Variants in SNX8 observed in about 807,000 individuals in gnomAD.
SNX8 encodes sorting nexin 8, also known as sorting nexin-8.
SNX8 carries 25 observed loss-of-function variants against 51.6 expected under a neutral mutation model. The ratio of observed to expected loss-of-function variants is 0.48; its 90% CI spans 0.35 to 0.68. The LOEUF (loss-of-function observed/expected upper bound fraction) is 0.68. SNX8 is among the 30% of genes least tolerant of loss of function. The pLI is 0.00. For synonymous variants in SNX8, 324 were observed against 277.0 expected, an observed-to-expected ratio of 1.17 and a Z score of -1.68; for missense variants, 695 against 624.0, an observed-to-expected ratio of 1.11 and a Z score of -1.21.
chr7:2,333,111 A>G (rs1358997657), intron 1 of SNX8, among the ~76,000 whole-genome samples: 3 of 150,984 alleles, frequency 2.0e-5, no homozygotes, highest in Non-Finnish European at 4.4e-5. Flanking sequence ...CGGGGGTCTC[A>G]CTATGTTGCC....
intron 5 of SNX8, among the ~76,000 whole-genome samples, chr7:2,268,533 C>T (rs1376898917): frequency 6.9e-6 from 1 of 145,910 alleles, no homozygotes; most frequent in Non-Finnish European, 1.5e-5. Context: ...CCAGCCGTGC[C>T]ATCCGGGAGG....
Position 2,263,089 on chromosome 7 carries a change from A to G in SNX8, c.915+141T>C, listed in dbSNP as rs1795375537. 7.6e-6 allele frequency: 8 copies of G among 1,049,124 alleles called. 1 individual carries two copies. The South Asian group carries it at 1.1e-4, about 15-fold the overall frequency. 65.0% of individuals were successfully genotyped at this position (1,049,124 alleles called of 1,614,324 possible). A position where few individuals can be genotyped will look rare whatever the true frequency, so the allele number is the denominator to read the frequency against. Reference sequence around the variant, plus strand: ...AGCCGAGATTGCGCCTTTGCGCTCCAGCCTGGCAACAGAGGGAGACTCCTT... The same window carrying G: ...AGCCGAGATTGCGCCTTTGCGCTCCGGCCTGGCAACAGAGGGAGACTCCTT... On this transcript the variant is annotated intron_variant, in intron 7 of 10. Coordinates refer to ENST00000222990, the MANE Select transcript of SNX8 (RefSeq NM_013321.4).
intron 1 of SNX8, among the ~76,000 whole-genome samples, chr7:2,311,398 T>A (rs1796655039): frequency 6.6e-6 from 1 of 152,222 alleles, no homozygotes; most frequent in Non-Finnish European, 1.5e-5. Context: ...TTTTCTTTTT[T>A]AAAAATTTGA....
intron 1 of SNX8, among the ~76,000 whole-genome samples, chr7:2,293,010 A>G (rs1176909350): frequency 1.3e-5 from 2 of 151,896 alleles, no homozygotes; most frequent in Non-Finnish European, 2.9e-5. Context: ...ATAGAGTAAG[A>G]CCTTATACCT....
intron 3 of SNX8, chr7:2,274,899 G>A: frequency 1.8e-6 from 1 of 551,260 alleles, no homozygotes; most frequent in Non-Finnish European, 3.2e-6. Flanking sequence ...TGAAGGCTCT[G>A]GTGGGCCAAG....
rs1795135641 is a variant in SNX8 at position 2,254,861 on chromosome 7, A to T, written c.*195T>A. 9 of 610,436 alleles carry T rather than the reference A, an allele frequency of 1.5e-5. No homozygotes were observed. In the South Asian group the frequency reaches 1.7e-4, roughly 11 times the overall value. The allele number at this position is 610,436 out of a possible 1,614,324, so 37.8% of individuals were successfully genotyped here. A position where few individuals can be genotyped will look rare whatever the true frequency, so the allele number is the denominator to read the frequency against. The stretch of plus-strand genomic sequence containing the variant: ...ACCAGGCTAGCAGGCCACAGGGCGA[A>T]GGACAGTGTGGCCCAGCTGCCCCCA... On this transcript the variant is annotated 3_prime_UTR_variant, in exon 11 of 11. Transcript: ENST00000222990.
intron 2 of SNX8, among the ~76,000 whole-genome samples, chr7:2,276,907 T>G (rs887744147): frequency 2.6e-5 from 4 of 152,218 alleles, no homozygotes. Flanking sequence ...ATCGTGCCAC[T>G]GCACTCCAGC....
At chr7:2,270,738 G>T (rs545173080) in intron 4 of SNX8, among the ~76,000 whole-genome samples, 49 of 152,304 alleles carry the variant, frequency 3.2e-4, no homozygotes, top group African/African-American at 1.1e-3. Context: ...AGGCACAGGG[G>T]GAAGGCCCCT....
intron 1 of SNX8, among the ~76,000 whole-genome samples, chr7:2,321,372 C>G (rs943274788): frequency 6.6e-6 from 1 of 152,160 alleles, no homozygotes; most frequent in Non-Finnish European, 1.5e-5. Flanking sequence ...GCAGATCCTC[C>G]CCACAGAATA....
At chr7:2,316,469 CCACT>C (rs71023393), upstream of SNX8, among the ~76,000 whole-genome samples, 1,565 of 129,734 alleles carry the variant, frequency 0.012, 26 homozygotes, top group African/African-American at 0.036. Context: ...ATTCATTCAC[CCACT>C]CACTCACTCA....
intron 5 of SNX8, among the ~76,000 whole-genome samples, chr7:2,268,615 G>A (rs1276848125): frequency 2.0e-4 from 25 of 125,718 alleles, no homozygotes; most frequent in South Asian, 5.5e-4. Flanking sequence ...TCAGCCCTCC[G>A]CCCAGCCAGC....
At chr7:2,301,197 C>G (rs952716099) in intron 1 of SNX8, among the ~76,000 whole-genome samples, 1 of 152,194 alleles carries the variant, frequency 6.6e-6, no homozygotes, top group African/African-American at 2.4e-5. Context: ...AGCTCCATGC[C>G]TACGAATGGC....
intron 1 of SNX8, among the ~76,000 whole-genome samples, chr7:2,313,980 G>C (rs1370117707): frequency 6.6e-6 from 1 of 152,246 alleles, no homozygotes; most frequent in Non-Finnish European, 1.5e-5. Context: ...GGGCAGAAGA[G>C]CAGGGCACCA....
At chr7:2,257,915 G>T in intron 7 of SNX8, 112 bp from the exon 8 acceptor site, 1 of 996,526 alleles carries the variant, frequency 1.0e-6, no homozygotes. Context: ...AGAGTCAGAC[G>T]GGCTCCCCAG....
Position 2,264,369 on chromosome 7 carries a change from G to A in SNX8, c.711C>T (p.Asp237=), listed in dbSNP as rs201729169. ...CCCGCGATGCGATCCGCTCGGCCCT[G>A]TCGCGAAGCTTGTGAAAGCTATTGT... The part of the protein sequence containing the change: ...NIYNSFHKLR[D]RAERIASRAI... The change falls in exon 6 of 11, where the codon GAC becomes GAT. Residue 237 remains aspartate (D), a synonymous_variant. Transcript: ENST00000222990. The A allele has an allele frequency of 6.8e-6, 11 of 1,612,878 alleles. No individual in the cohort carries two copies. The highest frequency in any genetic ancestry group is 6.7e-5 in the Admixed American group (4 of 60,000).
chr7:2,252,609 A>C lies in SNX8; in HGVS notation c.*2447T>G. On this transcript the variant is annotated 3_prime_UTR_variant, in exon 11 of 11. Coordinates refer to ENST00000222990, the MANE Select transcript of SNX8 (RefSeq NM_013321.4). ...ACGTGGGAGACAGGCTGCCCTCGTC[A>C]CCGCTGCCCTCCAGCCCCCCCTTCA... 1 of 151,582 alleles carries C rather than the reference A, an allele frequency of 6.6e-6. No homozygotes were observed. The highest frequency in any genetic ancestry group is 2.0e-4 in the East Asian group (1 of 5,106). The allele number at this position is 151,582 out of a possible 1,614,324, so 9.4% of individuals were successfully genotyped here. A position where few individuals can be genotyped will look rare whatever the true frequency, so the allele number is the denominator to read the frequency against.
At chr7:2,265,924 C>A (rs1795452049) in intron 5 of SNX8, among the ~76,000 whole-genome samples, 1 of 152,064 alleles carries the variant, frequency 6.6e-6, no homozygotes, top group Non-Finnish European at 1.5e-5. Context: ...CCAGCCTGGG[C>A]AACATAGTGA....
chr7:2,273,795 G>A (rs1162853821), intron 3 of SNX8, among the ~76,000 whole-genome samples: 5 of 142,200 alleles, frequency 3.5e-5, no homozygotes, highest in African/African-American at 5.2e-5. Context: ...TCCCAGCTAC[G>A]CGGGAGGCTG....
At chr7:2,321,191 C>A (rs1199281894) in intron 1 of SNX8, among the ~76,000 whole-genome samples, 3 of 152,092 alleles carry the variant, frequency 2.0e-5, no homozygotes, top group Admixed American at 6.6e-5. Context: ...GCCAGGGCTA[C>A]AGGTGGGAAC....
Sources: allele counts gnomAD v4.1 joint callset (sites outside exome capture counted in the v4.1 genomes callset), GRCh38; gene constraint gnomAD v4.1.1; transcripts MANE v1.5; gene names NCBI Gene and HGNC (gene_info 2026-07-23, HGNC 2026-07-21).